Variants in NCKAP5 observed in about 807,000 individuals in gnomAD.
The protein encoded by NCKAP5 is nck-associated protein 5.
Under a neutral mutation model 167.0 loss-of-function variants are expected in NCKAP5, and 92 were observed. That is an observed-to-expected ratio of 0.55 (90% CI 0.47 to 0.66). The LOEUF (loss-of-function observed/expected upper bound fraction) is 0.66, where lower values mean the gene tolerates loss of function less well. NCKAP5 is among the 30% of genes least tolerant of loss of function. The pLI, the probability that NCKAP5 is intolerant of heterozygous loss-of-function variation, is 0.00. For synonymous variants in NCKAP5, 891 were observed against 877.4 expected (o/e 1.02, Z -0.27); for missense variants, 2,378 against 2,315.0 (o/e 1.03, Z -0.56).
intron 6 of NCKAP5, among the ~76,000 whole-genome samples, chr2:133,108,755 T>G (rs2081807168): frequency 6.6e-6 from 1 of 152,220 alleles, no homozygotes; most frequent in Admixed American, 6.5e-5. Context: ...TGAGTTCAAC[T>G]ATTTAAGACA....
chr2:132,710,750 A>C (rs1287096406), intron 19 of NCKAP5, among the ~76,000 whole-genome samples: 6 of 152,204 alleles, frequency 3.9e-5, no homozygotes, highest in African/African-American at 1.4e-4. Context: ...TTTAGCCCAT[A>C]ATTTCATTCA....
At chr2:133,140,967 A>G (rs1265557436) in intron 5 of NCKAP5, among the ~76,000 whole-genome samples, 1 of 152,098 alleles carries the variant, frequency 6.6e-6, no homozygotes, top group African/African-American at 2.4e-5. Flanking sequence ...GAATATTAGC[A>G]TATTGCTGAG....
At chr2:133,120,358 A>G (rs2082212303) in intron 6 of NCKAP5, among the ~76,000 whole-genome samples, 1 of 152,224 alleles carries the variant, frequency 6.6e-6, no homozygotes, top group Admixed American at 6.5e-5. Context: ...CACGAATTAA[A>G]TAAAGGATCC....
chr2:132,743,823 A>C lies in NCKAP5; in HGVS notation c.5129-11772T>G, dbSNP rs559920449. On this transcript the variant is annotated intron_variant, in intron 16 of 19. Coordinates refer to ENST00000409261, the MANE Select transcript of NCKAP5 (RefSeq NM_207363.3). Reference sequence around the variant, plus strand: ...AAAACATTCATTTTAAATATAAAAAACAGATAGGTGAAAAGTGGGACAGAA... The same window carrying C: ...AAAACATTCATTTTAAATATAAAAACCAGATAGGTGAAAAGTGGGACAGAA... Among the ~76,000 whole-genome samples the C allele has an allele frequency of 3.0e-3, 459 of 151,772 alleles. 5 individuals are homozygous for C. The highest frequency in any genetic ancestry group is 0.011 in the African/African-American group (442 of 41,526).
chr2:133,032,390 G>C (rs1395832089), intron 6 of NCKAP5, among the ~76,000 whole-genome samples: 1 of 152,158 alleles, frequency 6.6e-6, no homozygotes, highest in Non-Finnish European at 1.5e-5. Context: ...GGAAAGAAGA[G>C]GGAGGAATGA....
chr2:132,881,399 T>C (rs1691737966), intron 8 of NCKAP5, among the ~76,000 whole-genome samples: 1 of 152,130 alleles, frequency 6.6e-6, no homozygotes, highest in Admixed American at 6.5e-5. Flanking sequence ...GGTCTTGAAC[T>C]CCTGATCTCA....
At chr2:132,881,909 TA>T (rs35011175) in intron 8 of NCKAP5, among the ~76,000 whole-genome samples, 26,620 of 152,174 alleles carry the variant, frequency 0.17, 2,618 homozygotes, top group East Asian at 0.31. Flanking sequence ...CAATGATTTT[TA>T]ACCAAATCAT....
the NCKAP5 span, among the ~76,000 whole-genome samples, chr2:133,623,045 T>C: frequency 6.6e-5 from 10 of 152,012 alleles, no homozygotes; most frequent in African/African-American, 2.4e-4. Flanking sequence ...AAACATGAGG[T>C]GAGAAAAGGA....
In NCKAP5 at chr2:133,422,337, A is replaced by C. The variant is rs183709528; in HGVS notation, c.69+95121T>G. ...CGGCAAAGTGCAGAATATTAAATCA[A>C]AGAGGGCAGCCCTTTCTTGTTGTTG... is the stretch of plus-strand genomic sequence containing the variant. On this transcript the variant is annotated intron_variant, in intron 3 of 19. Transcript: ENST00000409261. 2.3e-3 allele frequency among the ~76,000 whole-genome samples: 352 copies of C among 152,358 alleles called. 2 individuals are homozygous for C. Among genetic ancestry groups the C allele is most frequent in the African/African-American group, 7.6e-3 (317 of 41,586 alleles).
intron 19 of NCKAP5, among the ~76,000 whole-genome samples, chr2:132,711,862 G>A (rs953753533): frequency 6.6e-6 from 1 of 152,110 alleles, no homozygotes; most frequent in Admixed American, 6.6e-5. Flanking sequence ...TCCACTAGGG[G>A]GATGGTAGAC....
At chr2:133,528,046 C>G (rs1022099431) in intron 2 of NCKAP5, among the ~76,000 whole-genome samples, 1 of 152,078 alleles carries the variant, frequency 6.6e-6, no homozygotes, top group Middle Eastern at 3.2e-3. Context: ...GCCTGGGTGA[C>G]AGTAAGTCCC....
Position 133,427,178 on chromosome 2 carries a change from T to C in NCKAP5, c.69+90280A>G, listed in dbSNP as rs1189524126. Reference sequence around the variant, plus strand: ...GACAAATAAAACAGGTAACTCTCTGTCATTCTGATTAAGGAGCAAACATAA... The same window carrying C: ...GACAAATAAAACAGGTAACTCTCTGCCATTCTGATTAAGGAGCAAACATAA... On this transcript the variant is annotated intron_variant, in intron 3 of 19. Coordinates refer to ENST00000409261, the MANE Select transcript of NCKAP5 (RefSeq NM_207363.3). Among the ~76,000 whole-genome samples the C allele has an allele frequency of 3.3e-5, 5 of 152,208 alleles. No individual in the cohort carries two copies. The East Asian group carries it at 9.6e-4, about 29-fold the overall frequency.
intron 6 of NCKAP5, among the ~76,000 whole-genome samples, chr2:133,060,499 T>C (rs959460226): frequency 2.6e-5 from 4 of 152,210 alleles, no homozygotes; most frequent in African/African-American, 9.6e-5. Context: ...ATGTATATAT[T>C]TTCATGGACT....
rs546921154 is a variant in NCKAP5, at chr2:133,336,900, G to A, written c.70-33790C>T. On this transcript the variant is annotated intron_variant, in intron 3 of 19. Transcript: ENST00000409261. ...ATCCCTACCGGGTCTCACTGCCACA[G>A]GAACAGAAGGGGCACTCGTTAAATA... is the stretch of plus-strand genomic sequence containing the variant. Among the ~76,000 whole-genome samples, 150 of 152,304 alleles carry A rather than the reference G, an allele frequency of 9.8e-4. 1 individual carries two copies. The highest frequency in any genetic ancestry group is 2.8e-3 in the African/African-American group (117 of 41,576).
In NCKAP5 at chr2:132,922,834, C is replaced by T. The variant is rs182374156; in HGVS notation, c.579+40886G>A. The stretch of plus-strand genomic sequence containing the variant: ...GCTCTCCTTCTTTCTTTTCTACTAC[C>T]ACTCATTCCAGTTCTTTTAACTTCT... On this transcript the variant is annotated intron_variant, in intron 8 of 19. Transcript: ENST00000409261. 9.2e-5 allele frequency among the ~76,000 whole-genome samples: 14 copies of T among 152,248 alleles called. No homozygotes were observed. In the East Asian group the frequency reaches 2.7e-3, roughly 29 times the overall value.
chr2:133,356,526 T>C (rs569347397), intron 3 of NCKAP5, among the ~76,000 whole-genome samples: 12 of 152,360 alleles, frequency 7.9e-5, no homozygotes, highest in African/African-American at 2.6e-4. Context: ...AACTGAACTC[T>C]GATTTTCTGG....
At chr2:133,386,061 G>C (rs2150969273) in intron 3 of NCKAP5, among the ~76,000 whole-genome samples, 1 of 152,200 alleles carries the variant, frequency 6.6e-6, no homozygotes, top group African/African-American at 2.4e-5. Context: ...GTTCTGCTCT[G>C]ATCTTAGTTA....
At chr2:133,550,239 T>G (rs1257725437) in intron 2 of NCKAP5, among the ~76,000 whole-genome samples, 1 of 143,562 alleles carries the variant, frequency 7.0e-6, no homozygotes, top group Non-Finnish European at 1.5e-5. Context: ...CCTCCCTAAC[T>G]CATTTTATGA....
chr2:133,580,441 A>G, the NCKAP5 span, among the ~76,000 whole-genome samples: 1 of 152,100 alleles, frequency 6.6e-6, no homozygotes, highest in East Asian at 1.9e-4. Flanking sequence ...GAAAATAGCT[A>G]TTTTCTCTTT....
Sources: gnomAD v4.1 joint callset for allele counts (sites outside exome capture counted in the v4.1 genomes callset) on GRCh38, gnomAD v4.1.1 for gene constraint, MANE v1.5 for transcripts, NCBI Gene and HGNC (gene_info 2026-07-23, HGNC 2026-07-21) for gene names.